Variants in OSBPL10 observed in about 807,000 individuals in gnomAD.
The protein encoded by OSBPL10 is oxysterol-binding protein-related protein 10.
Under a neutral mutation model 81.7 loss-of-function variants are expected in OSBPL10, and 49 were observed. That is an observed-to-expected ratio of 0.60 (90% confidence interval 0.48 to 0.76). OSBPL10 has a LOEUF of 0.76. Among genes scored for constraint, OSBPL10 ranks in the 30% least tolerant of loss-of-function variants. The probability of loss-of-function intolerance (pLI) is 0.00; values close to 1 mark genes in which losing one functional copy is unlikely to be tolerated. For synonymous variants in OSBPL10, 419 were observed against 383.6 expected, an observed-to-expected ratio of 1.09 and a Z score of -1.08; for missense variants, 923 against 987.8, an observed-to-expected ratio of 0.93 and a Z score of 0.88.
At chr3:31,873,490 T>C (rs1167853570) in intron 3 of OSBPL10, among the ~76,000 whole-genome samples, 1 of 152,222 alleles carries the variant, frequency 6.6e-6, no homozygotes, top group Non-Finnish European at 1.5e-5. Flanking sequence ...TACAGTTCTA[T>C]GCATCTGGCT....
intron 6 of OSBPL10, among the ~76,000 whole-genome samples, chr3:31,706,891 T>C (rs1397276546): frequency 1.3e-5 from 2 of 152,126 alleles, no homozygotes; most frequent in Non-Finnish European, 2.9e-5. Context: ...TCCCCAAAGG[T>C]ACTCTCTTTC....
chr3:31,683,368 C>T lies in OSBPL10; in HGVS notation c.1726+266G>A, dbSNP rs80019884. 0.062 allele frequency among the ~76,000 whole-genome samples: 9,486 copies of T among 152,034 alleles called. 356 individuals are homozygous for T. The highest frequency in any genetic ancestry group is 0.088 in the South Asian group (422 of 4,798). On this transcript the variant is annotated intron_variant, in intron 8 of 11. Transcript: ENST00000396556. ...AGTACCTGTAAGGTGTGCACGCACG[C>T]GCGTGCACAGCATGGGAAGGTCCAG...
chr3:31,746,477 A>G (rs145015584), intron 5 of OSBPL10, among the ~76,000 whole-genome samples: 11,514 of 151,840 alleles, frequency 0.076, 446 homozygotes, highest in African/African-American at 0.11. Context: ...TTGGGAGTTC[A>G]AGACCAGCCT....
chr3:31,670,679 AACAAGTT>A, intron 9 of OSBPL10, 111 bp downstream of exon 9: 3 of 1,215,722 alleles, frequency 2.5e-6, no homozygotes, highest in Non-Finnish European at 3.4e-6. Context: ...AAAAGACCTT[AACAAGTT>A]TATCTTGATT....
At position 31,981,145 on chromosome 3, in the gene OSBPL10, C is replaced by T; in HGVS notation, c.35G>A (p.Gly12Glu). ...ERAVQGTDGG[G>E]GSNSSSRSSS... ...GCTGCGGCTGCTGCTGTTGCTACCCCCGCCGCCGTCTGTGCCCTGGACTGC... is the reference window on the plus strand; with the variant it reads ...GCTGCGGCTGCTGCTGTTGCTACCCTCGCCGCCGTCTGTGCCCTGGACTGC... Residue 12 changes from glycine to glutamate, a missense_variant, in exon 1 of 12, where the codon GGG becomes GAG. Physicochemically the swap from Gly to Glu is moderately conservative, Grantham distance 98. Coordinates refer to ENST00000396556, the MANE Select transcript of OSBPL10 (RefSeq NM_017784.5). The surrounding 1 kb of genome is among the most constrained non-coding windows in gnomAD (Gnocchi z 4.5). 6.7e-7 allele frequency: 1 copy of T among 1,490,566 alleles called. No homozygotes were observed. The highest frequency in any genetic ancestry group is 8.9e-7 in the Non-Finnish European group (1 of 1,125,276). The allele number at this position is 1,490,566 out of a possible 1,614,324, so 92.3% of individuals were successfully genotyped here.
chr3:31,873,223 TA>T (rs946673528), intron 3 of OSBPL10, among the ~76,000 whole-genome samples: 7 of 151,838 alleles, frequency 4.6e-5, no homozygotes, highest in South Asian at 2.1e-4. Flanking sequence ...AACCTCAATT[TA>T]AAAAAAATGC....
intron 7 of OSBPL10, among the ~76,000 whole-genome samples, chr3:31,688,023 G>C (rs1700836976): frequency 6.6e-6 from 1 of 151,948 alleles, no homozygotes; most frequent in Non-Finnish European, 1.5e-5. Flanking sequence ...AACATAGCAA[G>C]AAAATCCACC....
At chr3:32,059,097 G>A (rs529283246) in intron 1 of OSBPL10, among the ~76,000 whole-genome samples, 4 of 152,272 alleles carry the variant, frequency 2.6e-5, no homozygotes, top group Admixed American at 6.5e-5. Flanking sequence ...AGGAGTTTAA[G>A]ACCAGCCTGG....
chr3:31,942,695 G>A (rs2125427398), intron 1 of OSBPL10, among the ~76,000 whole-genome samples: 1 of 152,186 alleles, frequency 6.6e-6, no homozygotes, highest in East Asian at 1.9e-4. Context: ...CATGTCTGTA[G>A]GGGTAAAAGT....
At chr3:31,842,766 T>G (rs900389138) in intron 3 of OSBPL10, among the ~76,000 whole-genome samples, 1 of 152,168 alleles carries the variant, frequency 6.6e-6, no homozygotes, top group Non-Finnish European at 1.5e-5. Flanking sequence ...TTTAACAGAC[T>G]TAGTGACTTT....
At chr3:31,665,180 G>A (rs1161702163) in intron 10 of OSBPL10, among the ~76,000 whole-genome samples, 1 of 152,086 alleles carries the variant, frequency 6.6e-6, no homozygotes, top group Non-Finnish European at 1.5e-5. Context: ...ATGTCCTTGG[G>A]ACCAGCCTGT....
chr3:31,984,911 C>T (rs891751290), upstream of OSBPL10, among the ~76,000 whole-genome samples: 43 of 152,260 alleles, frequency 2.8e-4, no homozygotes, highest in African/African-American at 1.0e-3. Context: ...TTTTTACTGT[C>T]ATAATTTTGC....
chr3:31,806,195 G>A (rs114921113), intron 4 of OSBPL10, among the ~76,000 whole-genome samples: 2,204 of 152,254 alleles, frequency 0.014, 63 homozygotes, highest in African/African-American at 0.051. Flanking sequence ...GAGGACCCGA[G>A]AGCCTACGCC....
chr3:31,963,589 C>G (rs1041821015), intron 1 of OSBPL10, among the ~76,000 whole-genome samples: 1 of 152,132 alleles, frequency 6.6e-6, no homozygotes, highest in African/African-American at 2.4e-5. Flanking sequence ...CCCAAAGAGG[C>G]GCCTGGCTTG....
intron 1 of OSBPL10, among the ~76,000 whole-genome samples, chr3:32,052,631 G>T (rs147567380): frequency 0.02 from 3,108 of 152,240 alleles, 44 homozygotes; most frequent in Middle Eastern, 0.061. Flanking sequence ...CCATAAAAAA[G>T]GATGAGTTCA....
At chr3:31,828,022 C>T (rs1700141774) in intron 4 of OSBPL10, among the ~76,000 whole-genome samples, 1 of 151,964 alleles carries the variant, frequency 6.6e-6, no homozygotes, top group African/African-American at 2.4e-5. Context: ...TTCATACATA[C>T]AGGCTTCCTA....
In OSBPL10 at chr3:31,965,457, A is replaced by ATT. The variant is rs1491294193; in HGVS notation, c.281+15441_281+15442insAA. ...ATATAATATATATTATATAATATAT[A>ATT]ATTTATATAATATATATTATATATT... On this transcript the variant is annotated intron_variant, in intron 1 of 11. Coordinates refer to ENST00000396556, the MANE Select transcript of OSBPL10 (RefSeq NM_017784.5). Among the ~76,000 whole-genome samples the ATT allele has an allele frequency of 3.1e-3, 218 of 70,056 alleles. 23 individuals carry two copies. The highest frequency in any genetic ancestry group is 0.018 in the African/African-American group (143 of 8,070). 46.0% of individuals were successfully genotyped at this position (70,056 alleles called of 152,430 possible).
chr3:31,829,382 T>C (rs2125526560), intron 4 of OSBPL10, among the ~76,000 whole-genome samples: 1 of 152,294 alleles, frequency 6.6e-6, no homozygotes, highest in Non-Finnish European at 1.5e-5. Flanking sequence ...AAAAGCGAAA[T>C]TTAAACATAA....
chr3:31,963,563 T>C (rs1355572445), intron 1 of OSBPL10, among the ~76,000 whole-genome samples: 1 of 152,148 alleles, frequency 6.6e-6, no homozygotes, highest in Non-Finnish European at 1.5e-5. Context: ...AGAGACAACC[T>C]GTAGAGACAC....
Sources: allele counts gnomAD v4.1 joint callset (sites outside exome capture counted in the v4.1 genomes callset), GRCh38; gene constraint gnomAD v4.1.1; non-coding constraint Gnocchi (gnomAD v3.1); transcripts MANE v1.5; gene names NCBI Gene and HGNC (gene_info 2026-07-23, HGNC 2026-07-21).